The following EYS variants were observed in gnomAD, a reference collection of about 807,000 sequenced individuals.
The protein encoded by EYS is protein eyes shut homolog.
Under a neutral mutation model 282.1 loss-of-function variants are expected in EYS, and 250 were observed. The observed-to-expected ratio is 0.89, with a 90% CI of 0.80 to 0.98. EYS has a LOEUF of 0.98. Ranked by LOEUF, EYS falls within the 50% of genes least tolerant of loss-of-function variation. The probability of loss-of-function intolerance (pLI) is 0.00; values close to 1 mark genes in which losing one functional copy is unlikely to be tolerated. For missense variants in EYS, 4,016 were observed against 3,709.0 expected, an observed-to-expected ratio of 1.08 and a Z score of -2.15; for synonymous variants, 1,355 against 1,282.9, an observed-to-expected ratio of 1.06 and a Z score of -1.20.
chr6:65,492,444 G>T (rs1464158462), intron 4 of EYS, among the ~76,000 whole-genome samples: 1 of 152,096 alleles, frequency 6.6e-6, no homozygotes. Context: ...ACCATTCTAT[G>T]CAGTTATAAT....
chr6:63,726,773 A>G (rs1768632046), intron 41 of EYS, 93 bp from the exon 42 acceptor site: 1 of 1,185,208 alleles, frequency 8.4e-7, no homozygotes, highest in African/African-American at 1.6e-5. Context: ...GTAATTTTGT[A>G]ATTTCAGGAT....
chr6:64,439,129 T>C (rs1774850717), intron 27 of EYS, 33 bp downstream of exon 27: 1 of 1,254,864 alleles, frequency 8.0e-7, no homozygotes, highest in Non-Finnish European at 1.1e-6. Flanking sequence ...AACTTTGTAA[T>C]TTTTAAAAAA....
intron 24 of EYS, among the ~76,000 whole-genome samples, chr6:64,601,221 T>C (rs1484597473): frequency 1.3e-5 from 2 of 152,126 alleles, no homozygotes; most frequent in African/African-American, 2.4e-5. Flanking sequence ...AAAAAGGCTA[T>C]AAAGATATCA....
intron 22 of EYS, among the ~76,000 whole-genome samples, chr6:64,629,239 G>A (rs1428441700): frequency 6.6e-6 from 1 of 152,050 alleles, no homozygotes; most frequent in Non-Finnish European, 1.5e-5. Context: ...ATATGTTTCT[G>A]AGAGAAAGAC....
intron 19 of EYS, among the ~76,000 whole-genome samples, chr6:64,840,099 T>G (rs12665720): frequency 0.033 from 5,039 of 152,136 alleles, 214 homozygotes; most frequent in East Asian, 0.24. Context: ...TGGAGTCAAA[T>G]AAACCTGATT....
chr6:64,814,412 A>T (rs902597768), intron 21 of EYS, among the ~76,000 whole-genome samples: 1 of 152,046 alleles, frequency 6.6e-6, no homozygotes. Context: ...CTTAAACGTC[A>T]TATGTGATCA....
chr6:64,930,062 T>C (rs1768659610), intron 15 of EYS, among the ~76,000 whole-genome samples: 2 of 152,186 alleles, frequency 1.3e-5, no homozygotes, highest in Non-Finnish European at 2.9e-5. Context: ...GTGAATTTAC[T>C]GAATCTGTCC....
At position 63,984,539 on chromosome 6, in the gene EYS, C is replaced by T; in HGVS notation, c.6899G>A (p.Gly2300Asp). 1 of 1,549,540 alleles carries T rather than the reference C, an allele frequency of 6.5e-7. No individual in the cohort carries two copies. The highest frequency in any genetic ancestry group is 1.2e-5 in the South Asian group (1 of 84,016). Residue 2300 changes from glycine to aspartate, a missense_variant, in exon 35 of 43, where the codon GGT becomes GAT. Transcript: ENST00000503581. ...GCAGCCCCTGAACCCATAAACAGGA[C>T]CTGCTTTCTTATGAATTTGAACATT... ...PANVQIHKKA[G>D]PVYGFRGCIL...
intron 35 of EYS, among the ~76,000 whole-genome samples, chr6:63,881,009 C>CTT (rs781196598): frequency 6.8e-6 from 1 of 146,714 alleles, no homozygotes; most frequent in Non-Finnish European, 1.5e-5. Flanking sequence ...CTAGTTAACA[C>CTT]TTTTTTTTTT....
In EYS at chr6:64,717,055, A is replaced by T. The variant is rs1473989436; in HGVS notation, c.3444-90810T>A. ...TTTCAAAGTTTTCCAGTAATGTTTG[A>T]TTTTAACTCATTTTGGCTAGGGTTA... On this transcript the variant is annotated intron_variant, in intron 22 of 42. Transcript: ENST00000503581. 3.3e-5 allele frequency among the ~76,000 whole-genome samples: 5 copies of T among 152,232 alleles called. No homozygotes were observed. The East Asian group carries it at 9.7e-4, about 29-fold the overall frequency.
intron 31 of EYS, among the ~76,000 whole-genome samples, chr6:64,124,702 T>A (rs1056338819): frequency 6.6e-6 from 1 of 152,216 alleles, no homozygotes; most frequent in African/African-American, 2.4e-5. Flanking sequence ...GCTGAATCAA[T>A]GAAGCAAATT....
intron 35 of EYS, among the ~76,000 whole-genome samples, chr6:63,929,719 C>T (rs1390739929): frequency 1.3e-5 from 2 of 152,296 alleles, no homozygotes; most frequent in East Asian, 1.9e-4. Context: ...TAGAAAGACT[C>T]ATAATGAAAC....
intron 1 of EYS, among the ~76,000 whole-genome samples, chr6:65,673,210 G>A (rs1768457566): frequency 1.3e-5 from 2 of 152,010 alleles, no homozygotes; most frequent in South Asian, 4.2e-4. Context: ...TGTTGGAGTG[G>A]CGAAAATTTT....
chr6:65,645,908 C>T (rs1236600188), intron 1 of EYS, among the ~76,000 whole-genome samples: 1 of 151,816 alleles, frequency 6.6e-6, no homozygotes, highest in East Asian at 1.9e-4. Flanking sequence ...CCTTTATGCA[C>T]ATAAACTAGA....
rs551555527 is a variant in EYS, at chr6:63,981,205, T to C, written c.7055+3178A>G. On this transcript the variant is annotated intron_variant, in intron 35 of 42. Coordinates refer to ENST00000503581, the MANE Select transcript of EYS (RefSeq NM_001142800.2). Reference sequence around the variant, plus strand: ...ACATTTTCTGGTTCTCCTTTTTGGATTACTGCACAAACTGCTGGAGTGCTA... The same window carrying C: ...ACATTTTCTGGTTCTCCTTTTTGGACTACTGCACAAACTGCTGGAGTGCTA... Among the ~76,000 whole-genome samples the C allele has an allele frequency of 4.0e-5, 6 of 151,894 alleles. No individual in the cohort carries two copies. The South Asian group carries it at 1.0e-3, about 26-fold the overall frequency.
At chr6:65,491,172 C>A (rs1272654428) in intron 4 of EYS, among the ~76,000 whole-genome samples, 2 of 151,862 alleles carry the variant, frequency 1.3e-5, no homozygotes, top group African/African-American at 2.4e-5. Flanking sequence ...AATATGTGCA[C>A]AAACTTCCAA....
intron 26 of EYS, among the ~76,000 whole-genome samples, chr6:64,542,863 GA>G (rs1764733586): frequency 6.6e-6 from 1 of 152,052 alleles, no homozygotes; most frequent in South Asian, 2.1e-4. Context: ...TCACATTTTA[GA>G]AGAGGTTCTA....
At chr6:65,675,348 T>C (rs144390926) in intron 1 of EYS, among the ~76,000 whole-genome samples, 96 of 151,956 alleles carry the variant, frequency 6.3e-4, no homozygotes, top group African/African-American at 2.1e-3. Context: ...AAAACCATGA[T>C]TTAACTATAA....
At chr6:65,376,405 C>T (rs756820931) in intron 8 of EYS, among the ~76,000 whole-genome samples, 3 of 152,128 alleles carry the variant, frequency 2.0e-5, no homozygotes, top group Non-Finnish European at 2.9e-5. Context: ...AAAACTGATA[C>T]CAGCCACTGC....
Sources: gnomAD v4.1 joint callset for allele counts (sites outside exome capture counted in the v4.1 genomes callset) on GRCh38, gnomAD v4.1.1 for gene constraint, MANE v1.5 for transcripts, NCBI Gene and HGNC (gene_info 2026-07-23, HGNC 2026-07-21) for gene names.